PURG: variants seen among roughly 807,000 people sequenced by gnomAD.
PURG encodes the protein purine-rich element-binding protein gamma.
PURG carries 3 observed loss-of-function variants against 24.3 expected under a neutral mutation model. The observed-to-expected ratio is 0.12, with a 90% CI of 0.06 to 0.32. The LOEUF is 0.32. PURG is among the 10% of genes least tolerant of loss of function. The pLI is 1.00. For synonymous variants in PURG, 180 were observed against 173.1 expected, an observed-to-expected ratio of 1.04 and a Z score of -0.31; for missense variants, 371 against 439.1, an observed-to-expected ratio of 0.84 and a Z score of 1.39.
intron 1 of PURG, among the ~76,000 whole-genome samples, chr8:30,999,901 G>A (rs773787014): frequency 6.6e-6 from 1 of 151,810 alleles, no homozygotes; most frequent in South Asian, 2.1e-4. Flanking sequence ...TGAAAACATC[G>A]TGACGGTTTG....
chr8:30,999,106 A>G (rs1810486501), intron 1 of PURG, among the ~76,000 whole-genome samples: 1 of 151,876 alleles, frequency 6.6e-6, no homozygotes, highest in Non-Finnish European at 1.5e-5. Flanking sequence ...GATACTCATA[A>G]TAATACAGAA....
At chr8:31,013,136 C>T (rs1248602741) in intron 1 of PURG, among the ~76,000 whole-genome samples, 1 of 152,124 alleles carries the variant, frequency 6.6e-6, no homozygotes, top group Admixed American at 6.6e-5. Context: ...TAACAGAGGG[C>T]ACTGCTTGAA....
At chr8:31,030,037 A>T (rs1712449497), downstream of PURG, among the ~76,000 whole-genome samples, 1 of 151,918 alleles carries the variant, frequency 6.6e-6, no homozygotes, top group East Asian at 1.9e-4. Context: ...ACTAGTATAT[A>T]TGTCGGGGTT....
chr8:31,032,610 T>A lies in PURG; in HGVS notation c.173A>T (p.Gln58Leu), dbSNP rs752414051. The A allele has an allele frequency of 6.2e-7, 1 of 1,607,716 alleles. No homozygotes were observed. Residue 58 changes from glutamine (Q) to leucine (L), a missense_variant, in exon 2 of 2, where the codon CAG (glutamine) becomes CTG (leucine). Physicochemically the swap from Gln to Leu is moderately radical, Grantham distance 113. This residue lies in a region of PURG where 213 missense variants were observed against 230.6 expected (regional missense o/e 0.92). Transcript: ENST00000523392. The surrounding 1 kb of genome is among the most constrained non-coding windows in gnomAD (Gnocchi z 5.9). ...PNQAGGAAEI[Q>L]ELASKRVDIQ... ...GTCCACTCGTTTGGAGGCCAGCTCCTGGATTTCGGCTGCGCCCCCGGCCTG... is the reference window on the plus strand; with the variant it reads ...GTCCACTCGTTTGGAGGCCAGCTCCAGGATTTCGGCTGCGCCCCCGGCCTG...
intron 1 of PURG, among the ~76,000 whole-genome samples, chr8:31,015,803 C>T (rs887461567): frequency 2.0e-5 from 3 of 152,162 alleles, no homozygotes; most frequent in Admixed American, 2.0e-4. Flanking sequence ...GTAATCCCAG[C>T]ACTTTGGAAG....
At position 31,002,280 on chromosome 8, in the gene PURG, C is replaced by T. The variant is rs528536409; in HGVS notation, c.865-5583G>A. Among the ~76,000 whole-genome samples, 73 of 152,068 alleles carry T rather than the reference C, an allele frequency of 4.8e-4. 1 individual carries two copies. The South Asian group carries it at 0.015, about 31-fold the overall frequency. The stretch of plus-strand genomic sequence containing the variant: ...TGATGATGTTGAAAGTCTCTTCTAG[C>T]CCTAAAATTCTATGTTATGCTAACT... On this transcript the variant is annotated intron_variant, in intron 1 of 1. Coordinates refer to the PURG transcript ENST00000339382.
intron 1 of PURG, among the ~76,000 whole-genome samples, chr8:31,016,606 A>AAAAAAAAAAAAAAC (rs1810875580): frequency 6.8e-6 from 1 of 147,864 alleles, no homozygotes; most frequent in Non-Finnish European, 1.5e-5. Flanking sequence ...AAAAAAAAAA[A>AAAAAAAAAAAAAAC]AAAGAAAGAA....
downstream of PURG, among the ~76,000 whole-genome samples, chr8:31,026,044 T>A (rs1366849497): frequency 6.6e-6 from 1 of 151,976 alleles, no homozygotes; most frequent in Non-Finnish European, 1.5e-5. Flanking sequence ...ATGAACATTA[T>A]ACCTTTCTCA....
chr8:31,006,662 A>T (rs1419710486), intron 1 of PURG, among the ~76,000 whole-genome samples: 1 of 152,252 alleles, frequency 6.6e-6, no homozygotes, highest in Non-Finnish European at 1.5e-5. Flanking sequence ...ATACAAAGAC[A>T]TCTAAAACAT....
At chr8:31,028,162 A>C (rs923794592), downstream of PURG, among the ~76,000 whole-genome samples, 3 of 151,816 alleles carry the variant, frequency 2.0e-5, no homozygotes, top group African/African-American at 7.2e-5. Context: ...AACTGTAATA[A>C]GAATTTGGGT....
At chr8:31,020,048 G>C (rs971270169) in intron 1 of PURG, among the ~76,000 whole-genome samples, 3 of 152,040 alleles carry the variant, frequency 2.0e-5, no homozygotes, top group African/African-American at 7.2e-5. Context: ...GCACGCGCCT[G>C]TAATTCCAGC....
downstream of PURG, among the ~76,000 whole-genome samples, chr8:31,028,693 T>G (rs1811134092): frequency 6.6e-6 from 1 of 151,846 alleles, no homozygotes; most frequent in Non-Finnish European, 1.5e-5. Flanking sequence ...CTTTAATATC[T>G]TTATAATACA....
At chr8:31,016,580 C>A (rs7009311) in intron 1 of PURG, among the ~76,000 whole-genome samples, 57,210 of 70,750 alleles carry the variant, frequency 0.81, 22,725 homozygotes, top group Middle Eastern at 0.93. Context: ...CTACCAAGAA[C>A]CAAAAAAAAA....
chr8:31,009,858 G>A (rs763427217), intron 1 of PURG, among the ~76,000 whole-genome samples: 2 of 152,118 alleles, frequency 1.3e-5, no homozygotes, highest in Admixed American at 6.5e-5. Flanking sequence ...AACTTATCAT[G>A]TGGTCATTTA....
downstream of PURG, among the ~76,000 whole-genome samples, chr8:31,029,072 T>C (rs1811141299): frequency 6.6e-6 from 1 of 151,860 alleles, no homozygotes; most frequent in Non-Finnish European, 1.5e-5. Context: ...CAGATAAGAA[T>C]AGTAGCTTAT....
intron 1 of PURG, among the ~76,000 whole-genome samples, chr8:31,019,015 T>G (rs1396834951): frequency 6.9e-6 from 1 of 145,860 alleles, no homozygotes; most frequent in Non-Finnish European, 1.5e-5. Flanking sequence ...TCCCAGCTAC[T>G]CGGGAGGCTG....
intron 1 of PURG, among the ~76,000 whole-genome samples, chr8:30,999,979 A>T (rs200020268): frequency 5.9e-5 from 1 of 16,866 alleles, no homozygotes; most frequent in Non-Finnish European, 9.3e-5. Context: ...CCTTTAAAAT[A>T]AAAAAAAACC....
At chr8:31,001,045 G>A (rs982348757) in intron 1 of PURG, among the ~76,000 whole-genome samples, 3 of 152,104 alleles carry the variant, frequency 2.0e-5, no homozygotes, top group Admixed American at 1.3e-4. Flanking sequence ...AAATACTTCC[G>A]ATAAACATTG....
At chr8:30,996,462 G>A (rs765898101) in exon 2 of PURG, 1 of 588,096 alleles carries the variant, frequency 1.7e-6, no homozygotes, top group Non-Finnish European at 3.0e-6. Flanking sequence ...AATGATGCCA[G>A]TGGTGTTGAT....
Sources: allele counts gnomAD v4.1 joint callset (sites outside exome capture counted in the v4.1 genomes callset), GRCh38; gene constraint gnomAD v4.1.1; regional missense constraint gnomAD v4.1.1; non-coding constraint Gnocchi (gnomAD v3.1); transcripts MANE v1.5; gene names NCBI Gene and HGNC (gene_info 2026-07-23, HGNC 2026-07-21).